The following TCERG1 variants were observed in gnomAD, a reference collection of about 807,000 sequenced individuals.
The protein encoded by TCERG1 is transcription elongation regulator 1.
In TCERG1, 37 loss-of-function variants were observed where a neutral mutation model predicts 144.7. That is an observed-to-expected ratio of 0.26 (90% CI 0.20 to 0.34). The LOEUF (loss-of-function observed/expected upper bound fraction) is 0.34, where lower values mean the gene tolerates loss of function less well. Ranked by LOEUF, TCERG1 falls within the 10% of genes least tolerant of loss-of-function variation. TCERG1 has a pLI of 1.00. For missense variants in TCERG1, 1,027 were observed against 1,380.7 expected (o/e 0.74, Z 4.06); for synonymous variants, 492 against 458.2 (o/e 1.07, Z -0.94).
chr5:146,478,952 A>G (rs1278981613), intron 10 of TCERG1, among the ~76,000 whole-genome samples: 1 of 152,130 alleles, frequency 6.6e-6, no homozygotes, highest in Non-Finnish European at 1.5e-5. Context: ...TATCAATACT[A>G]CTAAAATGCT....
chr5:146,503,546 G>T lies in TCERG1; in HGVS notation c.2598+7G>T, dbSNP rs760315184. On this transcript the variant is annotated splice_region_variant and intron_variant, in intron 18 of 22. Transcript: ENST00000679501. ...CATTGAAAAAATAGCCAAGGTAACT[G>T]TTGTGTTTACTTGTATTGCTTTCAT... The T allele has an allele frequency of 7.4e-6, 12 of 1,612,818 alleles. No individual in the cohort carries two copies. In the East Asian group the frequency reaches 1.6e-4, roughly 21 times the overall value.
chr5:146,468,352 A>G lies in TCERG1; in HGVS notation c.1147A>G (p.Met383Val). 1 of 1,610,180 alleles carries G rather than the reference A, an allele frequency of 6.2e-7. No homozygotes were observed. The highest frequency in any genetic ancestry group is 8.5e-7 in the Non-Finnish European group (1 of 1,178,134). Residue 383 changes from methionine (M) to valine (V), a missense_variant, in exon 6 of 23, where the codon ATG becomes GTG. Met to Val is a conservative substitution (Grantham distance 21). Coordinates refer to ENST00000679501, the MANE Select transcript of TCERG1 (RefSeq NM_001382548.1). Reference protein sequence around the residue: ...MPIPLPGVAMMQIVSCPYVKT... With the variant: ...MPIPLPGVAMVQIVSCPYVKT... Reference sequence around the variant, plus strand: ...TATCCATTTTACAGGTGTAGCAATGATGCAAATAGTCAGCTGCCCGTATGT... The same window carrying G: ...TATCCATTTTACAGGTGTAGCAATGGTGCAAATAGTCAGCTGCCCGTATGT...
intron 5 of TCERG1, among the ~76,000 whole-genome samples, chr5:146,466,020 CAAA>C (rs57028887): frequency 1.1e-4 from 9 of 82,042 alleles, no homozygotes; most frequent in Non-Finnish European, 1.1e-4. Flanking sequence ...AACTCTGTCT[CAAA>C]AAAAAAAAAA....
At position 146,510,637 on chromosome 5, in the gene TCERG1, A is replaced by G. The variant is rs1768387292; in HGVS notation, c.3343A>G (p.Lys1115Glu). Residue 1115 changes from lysine to glutamate, a missense_variant, in exon 23 of 23, where the codon AAA (lysine) becomes GAA (glutamate). Lys to Glu is a moderately conservative substitution (Grantham distance 56). Transcript: ENST00000679501. ...ATCGGAGCCCACGAGACGATCAACAAAATAATTCTAAATACTCTTCCATAG... is the reference window on the plus strand; with the variant it reads ...ATCGGAGCCCACGAGACGATCAACAGAATAATTCTAAATACTCTTCCATAG... ...TASEPTRRST[K>E] The G allele has an allele frequency of 6.2e-7, 1 of 1,611,888 alleles. No homozygotes were observed. Among genetic ancestry groups the G allele is most frequent in the Non-Finnish European group, 8.5e-7 (1 of 1,179,146 alleles).
At chr5:146,498,388 T>C (rs754086244) in intron 16 of TCERG1, 148 bp from the exon 17 acceptor site, 6 of 714,582 alleles carry the variant, frequency 8.4e-6, no homozygotes, top group African/African-American at 3.6e-5. Context: ...TTTACTCCTT[T>C]CTGAAACTTA....
At chr5:146,457,439 CCTGGGTGAGCA>C (rs1554094958) in intron 3 of TCERG1, 104 bp downstream of exon 3, 50 of 1,151,360 alleles carry the variant, frequency 4.3e-5, no homozygotes, top group Non-Finnish European at 2.7e-5. Flanking sequence ...AAGAATGAGC[CCTGGGTGAGCA>C]GGGAATGGGG....
Position 146,463,565 on chromosome 5 carries a change from G to T in TCERG1, c.907G>T (p.Asp303Tyr). Residue 303 changes from aspartate (D) to tyrosine (Y), a missense_variant, in exon 5 of 23, where the codon GAT becomes TAT. Asp to Tyr is a radical substitution (Grantham distance 160, BLOSUM62 -3). This residue lies in a region of TCERG1 where 187 missense variants were observed against 169.1 expected (regional missense o/e 1.11). Coordinates refer to ENST00000679501, the MANE Select transcript of TCERG1 (RefSeq NM_001382548.1). ...TCTTTTATCAGCACCCACAACACAA[G>T]ATCAGACCCCAAGTTCTGCTGTTTC... is the stretch of plus-strand genomic sequence containing the variant. ...AQTVSTPTTQ[D>Y]QTPSSAVSVA... is the part of the protein sequence containing the mutation. 1.2e-6 allele frequency: 2 copies of T among 1,614,156 alleles called. No individual in the cohort carries two copies. Among genetic ancestry groups the T allele is most frequent in the Non-Finnish European group, 1.7e-6 (2 of 1,180,024 alleles).
At chr5:146,486,969 C>T (rs1396822886) in intron 15 of TCERG1, among the ~76,000 whole-genome samples, 3 of 151,932 alleles carry the variant, frequency 2.0e-5, no homozygotes, top group Non-Finnish European at 4.4e-5. Context: ...GCATGCCTTT[C>T]ATCCCAGCTA....
chr5:146,490,463 C>A (rs1766292618), intron 15 of TCERG1, among the ~76,000 whole-genome samples: 1 of 152,166 alleles, frequency 6.6e-6, no homozygotes, highest in Non-Finnish European at 1.5e-5. Flanking sequence ...CCTTATTGTA[C>A]CCTTATTTGG....
At chr5:146,447,714 G>C (rs1011963703) in intron 1 of TCERG1, among the ~76,000 whole-genome samples, 1 of 152,224 alleles carries the variant, frequency 6.6e-6, no homozygotes, top group Non-Finnish European at 1.5e-5. Context: ...CCCCGCCTCA[G>C]CCGCGTGTCG....
At chr5:146,483,255 G>A (rs1403192093) in intron 14 of TCERG1, among the ~76,000 whole-genome samples, 1 of 152,028 alleles carries the variant, frequency 6.6e-6, no homozygotes, top group East Asian at 1.9e-4. Context: ...AATCTTCAAG[G>A]CTTTTTCTGA....
Position 146,469,543 on chromosome 5 carries a change from G to T in TCERG1, c.1199-1G>T. Reference sequence around the variant, plus strand: ...CTAATTTTTTATTATTCTTTTTTTAGGTGTATTGCCAGGAATGGCCCCTCC... The same window carrying T: ...CTAATTTTTTATTATTCTTTTTTTATGTGTATTGCCAGGAATGGCCCCTCC... On this transcript the variant is annotated splice_acceptor_variant, in intron 6 of 22. Transcript: ENST00000679501. LOFTEE classifies it high-confidence loss of function. 6.4e-7 allele frequency: 1 copy of T among 1,574,766 alleles called. No homozygotes were observed. The highest frequency in any genetic ancestry group is 8.6e-7 in the Non-Finnish European group (1 of 1,165,626).
intron 1 of TCERG1, among the ~76,000 whole-genome samples, chr5:146,451,442 C>T (rs1329117173): frequency 2.6e-5 from 4 of 151,626 alleles, no homozygotes; most frequent in South Asian, 2.1e-4. Flanking sequence ...CCTGCCTCAG[C>T]CTCTTGAGTA....
chr5:146,492,976 T>C lies in TCERG1; in HGVS notation c.2220T>C (p.Asn740=). The C allele has an allele frequency of 6.2e-7, 1 of 1,607,422 alleles. No individual in the cohort carries two copies. Among genetic ancestry groups the C allele is most frequent in the East Asian group, 2.3e-5 (1 of 44,324 alleles). ...AGGAAGAACGCAGGGAAAAGAAAAA[T>C]AAAATAATGCAAGCCAAGGAAGATT... The part of the protein sequence containing the change: ...RAEEERREKK[N]KIMQAKEDFK... The change falls in exon 16 of 23, where the codon AAT becomes AAC. Residue 740 remains asparagine, a synonymous_variant. Transcript: ENST00000679501.
chr5:146,464,357 G>A (rs1242489789), intron 5 of TCERG1, among the ~76,000 whole-genome samples: 1 of 152,234 alleles, frequency 6.6e-6, no homozygotes, highest in Non-Finnish European at 1.5e-5. Context: ...ATACTGGGAA[G>A]AAAATGTGAG....
rs117249834 is a variant in TCERG1 at position 146,456,981 on chromosome 5, C to A, written c.286-202C>A. Among the ~76,000 whole-genome samples, 4 of 152,282 alleles carry A rather than the reference C, an allele frequency of 2.6e-5. No homozygotes were observed. The East Asian group carries it at 5.8e-4, about 22-fold the overall frequency. ...TGACAGTGTTATAACCCAGAGTTGACCACTATTAGTAGTTTGATGTGTTTC... is the reference window on the plus strand; with the variant it reads ...TGACAGTGTTATAACCCAGAGTTGAACACTATTAGTAGTTTGATGTGTTTC... On this transcript the variant is annotated intron_variant, in intron 2 of 22. Transcript: ENST00000679501.
chr5:146,494,435 A>G (rs1321738875), intron 16 of TCERG1, among the ~76,000 whole-genome samples: 1 of 152,192 alleles, frequency 6.6e-6, no homozygotes, highest in African/African-American at 2.4e-5. Context: ...CTTGGTAGAT[A>G]TGACTAAGTC....
At chr5:146,463,242 T>G (rs1036523517) in intron 4 of TCERG1, among the ~76,000 whole-genome samples, 5 of 152,348 alleles carry the variant, frequency 3.3e-5, no homozygotes, top group Middle Eastern at 3.4e-3. Flanking sequence ...GCTGTTTTTC[T>G]TGTTGAAATC....
In TCERG1 at chr5:146,506,079, C is replaced by CT. The variant is rs202029044; in HGVS notation, c.2782-941dup. Reference sequence around the variant, plus strand: ...AGCCACCGCACCCGGCCTTTTTATCCTTTTTTTTCCTTCTAAGTGAGCTCT... The same window carrying CT: ...AGCCACCGCACCCGGCCTTTTTATCCTTTTTTTTTCCTTCTAAGTGAGCTCT... On this transcript the variant is annotated intron_variant, in intron 19 of 22. Coordinates refer to ENST00000679501, the MANE Select transcript of TCERG1 (RefSeq NM_001382548.1). Among the ~76,000 whole-genome samples, 353 of 152,108 alleles carry CT rather than the reference C, an allele frequency of 2.3e-3. 1 individual carries two copies. Among genetic ancestry groups the CT allele is most frequent in the East Asian group, 3.3e-3 (17 of 5,166 alleles).
Sources: gnomAD v4.1 joint callset for allele counts (sites outside exome capture counted in the v4.1 genomes callset) on GRCh38, gnomAD v4.1.1 for gene constraint, gnomAD v4.1.1 regional missense constraint, MANE v1.5 for transcripts, NCBI Gene and HGNC (gene_info 2026-07-23, HGNC 2026-07-21) for gene names.